The following SLC35D4 variants were observed in gnomAD, a reference collection of about 807,000 sequenced individuals.
The protein encoded by SLC35D4 is solute carrier family 35 member D4.
chr18:23,260,026 G>A, the SLC35D4 span: 2 of 152,120 alleles, frequency 1.3e-5, no homozygotes, highest in Non-Finnish European at 2.9e-5. Context: ...CCTCTAGTGA[G>A]CCTTGACTGT....
the SLC35D4 span, among the ~76,000 whole-genome samples, chr18:23,364,422 G>GGAGCAA: frequency 6.6e-6 from 1 of 152,146 alleles, no homozygotes; most frequent in African/African-American, 2.4e-5. Flanking sequence ...ACTCCACGAA[G>GGAGCAA]CCACAAGGAG....
the SLC35D4 span, among the ~76,000 whole-genome samples, chr18:23,432,479 G>A: frequency 2.5e-4 from 38 of 151,808 alleles, no homozygotes; most frequent in African/African-American, 7.5e-4. Flanking sequence ...TCAGGAGTTC[G>A]AGACCAGCCT....
chr18:23,301,412 T>C, the SLC35D4 span, among the ~76,000 whole-genome samples: 1 of 152,314 alleles, frequency 6.6e-6, no homozygotes, highest in African/African-American at 2.4e-5. Context: ...AAATTCATTC[T>C]TTCTATACAT....
the SLC35D4 span, among the ~76,000 whole-genome samples, chr18:23,348,295 G>A: frequency 6.6e-6 from 1 of 152,178 alleles, no homozygotes; most frequent in African/African-American, 2.4e-5. Context: ...TGAGAAGAAT[G>A]TGTATTCTGA....
chr18:23,389,791 G>A, the SLC35D4 span, among the ~76,000 whole-genome samples: 1 of 152,076 alleles, frequency 6.6e-6, no homozygotes, highest in Non-Finnish European at 1.5e-5. Flanking sequence ...CACCCACCTC[G>A]GCCTCTCAAA....
chr18:23,256,622 A>C, the SLC35D4 span, among the ~76,000 whole-genome samples: 3 of 151,918 alleles, frequency 2.0e-5, no homozygotes, highest in Non-Finnish European at 4.4e-5. Context: ...CTGGGATTAC[A>C]GGCGCCCACC....
chr18:23,408,816 C>CT, the SLC35D4 span, among the ~76,000 whole-genome samples: 2,418 of 114,840 alleles, frequency 0.021, 32 homozygotes, highest in African/African-American at 0.034. Flanking sequence ...TCTTATCTCT[C>CT]TTTTTTTTTT....
the SLC35D4 span, among the ~76,000 whole-genome samples, chr18:23,247,739 G>A: frequency 6.6e-6 from 1 of 152,258 alleles, no homozygotes; most frequent in Non-Finnish European, 1.5e-5. Context: ...GCAGCTCAGA[G>A]AAGCAGGGAC....
the SLC35D4 span, chr18:23,370,410 CAGG>C: frequency 8.5e-5 from 57 of 669,878 alleles, no homozygotes; most frequent in South Asian, 1.3e-4. Context: ...ACCCAGCTGA[CAGG>C]AGAAGACCAT....
the SLC35D4 span, among the ~76,000 whole-genome samples, chr18:23,429,698 C>T: frequency 6.6e-6 from 1 of 152,064 alleles, no homozygotes; most frequent in Non-Finnish European, 1.5e-5. Flanking sequence ...TTAATAACAG[C>T]CATTCTGACT....
chr18:23,406,022 T>C, the SLC35D4 span, among the ~76,000 whole-genome samples: 17 of 152,352 alleles, frequency 1.1e-4, no homozygotes, highest in East Asian at 1.9e-4. Flanking sequence ...TTTGAAGTCA[T>C]TTCTTCAGGA....
At chr18:23,253,637 A>G in the SLC35D4 span, 2 of 1,077,102 alleles carry the variant, frequency 1.9e-6, no homozygotes, top group East Asian at 5.2e-5. Context: ...GGGAAAGAGA[A>G]AGAGAAAAAG....
the SLC35D4 span, chr18:23,437,770 C>T: frequency 6.2e-7 from 1 of 1,608,586 alleles, no homozygotes; most frequent in African/African-American, 1.3e-5. Flanking sequence ...CTCCCGCGCC[C>T]GCCCCCTCAC....
the SLC35D4 span, among the ~76,000 whole-genome samples, chr18:23,251,187 T>C: frequency 6.6e-6 from 1 of 152,234 alleles, no homozygotes; most frequent in Non-Finnish European, 1.5e-5. Flanking sequence ...GCACGGTTGC[T>C]CATGCCTGTA....
the SLC35D4 span, among the ~76,000 whole-genome samples, chr18:23,434,390 G>A: frequency 2.0e-5 from 3 of 152,142 alleles, no homozygotes; most frequent in Non-Finnish European, 4.4e-5. Flanking sequence ...GGTCAGCTAC[G>A]ATTTCGATTA....
the SLC35D4 span, among the ~76,000 whole-genome samples, chr18:23,426,075 C>T: frequency 6.6e-6 from 1 of 152,038 alleles, no homozygotes; most frequent in Admixed American, 6.6e-5. Context: ...CCTCACATTG[C>T]ACCATACACT....
the SLC35D4 span, chr18:23,368,864 T>G: frequency 2.9e-6 from 2 of 687,028 alleles, no homozygotes; most frequent in East Asian, 6.0e-5. Flanking sequence ...CTTTTATAAA[T>G]TATCCATAAA....
the SLC35D4 span, among the ~76,000 whole-genome samples, chr18:23,398,089 C>T: frequency 2.0e-5 from 3 of 152,172 alleles, no homozygotes; most frequent in South Asian, 2.1e-4. Flanking sequence ...AACAAAAAAA[C>T]GAGAGCTGCC....
At chr18:23,370,248 A>G in the SLC35D4 span, 1 of 1,612,810 alleles carries the variant, frequency 6.2e-7, no homozygotes, top group Non-Finnish European at 8.5e-7. Flanking sequence ...ACTTCTGTAG[A>G]ATTTTATAAG....
Sources: allele counts gnomAD v4.1 joint callset (sites outside exome capture counted in the v4.1 genomes callset), GRCh38; gene constraint gnomAD v4.1.1; transcripts MANE v1.5; gene names NCBI Gene and HGNC (gene_info 2026-07-23, HGNC 2026-07-21).